Variants in BRD7 observed in about 807,000 individuals in gnomAD.
BRD7 encodes bromodomain-containing protein 7.
In BRD7, 15 loss-of-function variants were observed where a neutral mutation model predicts 82.1. The ratio of observed to expected loss-of-function variants is 0.18; its 90% CI spans 0.12 to 0.28. The LOEUF (loss-of-function observed/expected upper bound fraction) is 0.28, where lower values mean the gene tolerates loss of function less well. Ranked by LOEUF, BRD7 falls within the 10% of genes least tolerant of loss-of-function variation. The pLI, the probability that BRD7 is intolerant of heterozygous loss-of-function variation, is 1.00. For synonymous variants in BRD7, 232 were observed against 266.9 expected, an observed-to-expected ratio of 0.87 and a Z score of 1.27; for missense variants, 638 against 779.9, an observed-to-expected ratio of 0.82 and a Z score of 2.17.
At chr16:50,329,784 G>C (rs147769619) in intron 8 of BRD7, among the ~76,000 whole-genome samples, 1 of 152,202 alleles carries the variant, frequency 6.6e-6, no homozygotes, top group Non-Finnish European at 1.5e-5. Flanking sequence ...AACAACCTGA[G>C]TAGGAATTAC....
chr16:50,361,070 AG>A (rs2038917209), intron 2 of BRD7, among the ~76,000 whole-genome samples: 1 of 152,244 alleles, frequency 6.6e-6, no homozygotes, highest in Admixed American at 6.5e-5. Flanking sequence ...TCTGTGGCTC[AG>A]TTAAATCAGC....
At chr16:50,357,659 G>C (rs548266957) in intron 2 of BRD7, among the ~76,000 whole-genome samples, 21 of 152,272 alleles carry the variant, frequency 1.4e-4, no homozygotes, top group African/African-American at 4.8e-4. Flanking sequence ...CAAGAGTCTA[G>C]AACTGGGGCC....
chr16:50,356,859 T>C (rs2038756228), intron 2 of BRD7, among the ~76,000 whole-genome samples: 1 of 152,170 alleles, frequency 6.6e-6, no homozygotes, highest in Non-Finnish European at 1.5e-5. Flanking sequence ...ATTTAAATTC[T>C]GAAGTAAAAT....
intron 4 of BRD7, among the ~76,000 whole-genome samples, chr16:50,351,892 T>C (rs941227777): frequency 1.3e-5 from 2 of 152,182 alleles, no homozygotes; most frequent in African/African-American, 4.8e-5. Context: ...AATTAGCATA[T>C]TTATCACCCC....
intron 12 of BRD7, among the ~76,000 whole-genome samples, chr16:50,322,329 T>C (rs968544117): frequency 6.6e-6 from 1 of 152,232 alleles, no homozygotes; most frequent in African/African-American, 2.4e-5. Context: ...ATAAATGGTA[T>C]CTGTTTTTAT....
chr16:50,359,870 T>G (rs1406491570), intron 2 of BRD7, among the ~76,000 whole-genome samples: 1 of 151,778 alleles, frequency 6.6e-6, no homozygotes, highest in African/African-American at 2.4e-5. Context: ...GGGGTGGAGG[T>G]AGGTGTGTGG....
At chr16:50,331,678 T>C (rs1367991936) in intron 8 of BRD7, among the ~76,000 whole-genome samples, 1 of 152,212 alleles carries the variant, frequency 6.6e-6, no homozygotes, top group East Asian at 1.9e-4. Context: ...CACTCCAGCC[T>C]GGGCGACAGA....
At chr16:50,353,071 C>CTTTT (rs148217111) in intron 4 of BRD7, among the ~76,000 whole-genome samples, 3 of 144,732 alleles carry the variant, frequency 2.1e-5, no homozygotes, top group Non-Finnish European at 4.5e-5. Context: ...TCAGTAAGTT[C>CTTTT]TTTTTTTTTT....
chr16:50,345,943 C>T (rs1389211042), intron 5 of BRD7, among the ~76,000 whole-genome samples: 2 of 152,218 alleles, frequency 1.3e-5, no homozygotes, highest in Non-Finnish European at 1.5e-5. Flanking sequence ...CAGAACTCTC[C>T]ACCCTAAATC....
chr16:50,331,814 G>A (rs903374036), intron 8 of BRD7, among the ~76,000 whole-genome samples: 1 of 152,192 alleles, frequency 6.6e-6, no homozygotes, highest in African/African-American at 2.4e-5. Context: ...CAATGGAACA[G>A]AATAGAGAAC....
intron 5 of BRD7, 143 bp downstream of exon 5, chr16:50,349,880 T>C: frequency 1.3e-6 from 1 of 740,902 alleles, no homozygotes; most frequent in Non-Finnish European, 2.1e-6. Flanking sequence ...CTCATAAAGT[T>C]TTCTGAAGCA....
At chr16:50,368,535 A>G in intron 1 of BRD7, 191 bp downstream of exon 1, 1 of 705,232 alleles carries the variant, frequency 1.4e-6, no homozygotes, top group Non-Finnish European at 2.2e-6. Context: ...CCACCGGACC[A>G]GGGGGACCCG....
intron 2 of BRD7, among the ~76,000 whole-genome samples, chr16:50,358,314 C>G (rs1389056590): frequency 7.9e-5 from 2 of 25,456 alleles, no homozygotes; most frequent in Non-Finnish European, 1.8e-4. Flanking sequence ...CACTTGAGCT[C>G]AGGAGTTCGA....
intron 6 of BRD7, among the ~76,000 whole-genome samples, chr16:50,338,081 T>A (rs1295685964): frequency 6.6e-6 from 1 of 152,180 alleles, no homozygotes; most frequent in Non-Finnish European, 1.5e-5. Flanking sequence ...ACCACCCAAT[T>A]CAATGTACAT....
At chr16:50,333,215 G>A (rs2037644860) in intron 8 of BRD7, among the ~76,000 whole-genome samples, 2 of 152,156 alleles carry the variant, frequency 1.3e-5, no homozygotes, top group Non-Finnish European at 2.9e-5. Flanking sequence ...AAATTCTGTA[G>A]TTCATGTTCC....
intron 8 of BRD7, among the ~76,000 whole-genome samples, chr16:50,329,691 G>T (rs1190283001): frequency 6.6e-6 from 1 of 152,132 alleles, no homozygotes. Context: ...AAGGGCAGCC[G>T]GCAGCCACTG....
intron 12 of BRD7, 114 bp downstream of exon 12, chr16:50,323,473 A>C: frequency 1.1e-6 from 1 of 881,202 alleles, no homozygotes; most frequent in Non-Finnish European, 1.8e-6. Context: ...GCTGTCTTTC[A>C]GGGCCACAGA....
intron 2 of BRD7, among the ~76,000 whole-genome samples, chr16:50,365,491 A>G (rs1433646695): frequency 6.6e-6 from 1 of 152,244 alleles, no homozygotes; most frequent in Non-Finnish European, 1.5e-5. Flanking sequence ...TGCTTTCAAC[A>G]GAAAACAGAG....
At chr16:50,343,496 C>A (rs1423349229) in intron 5 of BRD7, among the ~76,000 whole-genome samples, 1 of 152,212 alleles carries the variant, frequency 6.6e-6, no homozygotes, top group Non-Finnish European at 1.5e-5. Context: ...TGAGCCGAAG[C>A]AGGGCAGGGA....
Sources: gnomAD v4.1 joint callset for allele counts (sites outside exome capture counted in the v4.1 genomes callset) on GRCh38, gnomAD v4.1.1 for gene constraint, MANE v1.5 for transcripts, NCBI Gene and HGNC (gene_info 2026-07-23, HGNC 2026-07-21) for gene names.